DOP1A: variants seen among roughly 807,000 people sequenced by gnomAD.
The protein encoded by DOP1A is DOP1 leucine zipper like protein A.
A neutral mutation model predicts 267.6 loss-of-function variants in DOP1A; 90 were observed. The observed-to-expected ratio is 0.34, with a 90% CI of 0.28 to 0.40. DOP1A has a LOEUF of 0.40. Among genes scored for constraint, DOP1A ranks in the 10% least tolerant of loss-of-function variants. DOP1A has a pLI of 1.00. For missense variants in DOP1A, 2,437 were observed against 2,900.4 expected, an observed-to-expected ratio of 0.84 and a Z score of 3.67; for synonymous variants, 932 against 999.1, an observed-to-expected ratio of 0.93 and a Z score of 1.27.
chr6:83,120,037 C>G (rs1014001670), intron 9 of DOP1A, among the ~76,000 whole-genome samples, 180 bp downstream of exon 9: 17 of 151,888 alleles, frequency 1.1e-4, no homozygotes, highest in Admixed American at 5.9e-4. Context: ...ATATGTTAGA[C>G]TACCATGTAA....
intron 4 of DOP1A, among the ~76,000 whole-genome samples, chr6:83,105,628 G>T (rs538080165): frequency 1.3e-5 from 2 of 152,256 alleles, no homozygotes; most frequent in South Asian, 4.1e-4. Context: ...CTCCCAAAGT[G>T]CTGAGGTTAC....
intron 38 of DOP1A, chr6:83,164,977 C>A: frequency 2.7e-6 from 1 of 376,608 alleles, no homozygotes; most frequent in Admixed American, 4.3e-5. Context: ...TGGTCAAGAG[C>A]TTAATAAAAG....
At chr6:83,148,675 C>A in intron 26 of DOP1A, 84 bp from the exon 27 acceptor site, 3 of 874,770 alleles carry the variant, frequency 3.4e-6, no homozygotes, top group Non-Finnish European at 3.4e-6. Context: ...CTATCATTGT[C>A]TATAAAAATT....
At chr6:83,104,719 T>TAC (rs1773266596) in intron 4 of DOP1A, among the ~76,000 whole-genome samples, 1 of 152,118 alleles carries the variant, frequency 6.6e-6, no homozygotes, top group Admixed American at 6.5e-5. Flanking sequence ...TTGCCTACTT[T>TAC]TACTAAATTT....
chr6:83,127,047 C>T (rs1027864646), intron 15 of DOP1A, among the ~76,000 whole-genome samples: 12 of 151,970 alleles, frequency 7.9e-5, no homozygotes, highest in Admixed American at 5.9e-4. Context: ...GTTGGCAGGT[C>T]CAGGTGGGAC....
chr6:83,129,270 G>A lies in DOP1A; in HGVS notation c.2103G>A (p.Gln701=), dbSNP rs1221397461. 1.9e-6 allele frequency: 3 copies of A among 1,611,752 alleles called. No homozygotes were observed. Among genetic ancestry groups the A allele is most frequent in the Admixed American group, 3.3e-5 (2 of 59,720 alleles). Residue 701 remains glutamine (Q), a synonymous_variant, in exon 16 of 39, where the codon CAG becomes CAA. Coordinates refer to ENST00000349129, the MANE Select transcript of DOP1A (RefSeq NM_015018.4). ...TCATTCAGAATAACTCTTTTTCTCA[G>A]TCTTTGGCTACAGAACATCAAGGGG... ...LYIIQNNSFS[Q]SLATEHQGDL... is the part of the protein sequence containing the mutation.
downstream of DOP1A, chr6:83,170,264 C>T: frequency 6.3e-7 from 1 of 1,588,074 alleles, no homozygotes; most frequent in Non-Finnish European, 8.6e-7. Context: ...TGCCCATCAC[C>T]TAATATTAGG....
At chr6:83,088,131 C>T (rs1361745922) in intron 1 of DOP1A, among the ~76,000 whole-genome samples, 2 of 152,104 alleles carry the variant, frequency 1.3e-5, no homozygotes, top group African/African-American at 4.8e-5. Flanking sequence ...CTCGGTCTCC[C>T]AAAGTGTTGG....
intron 1 of DOP1A, among the ~76,000 whole-genome samples, chr6:83,093,940 T>C (rs1356568909): frequency 1.3e-5 from 2 of 152,064 alleles, no homozygotes; most frequent in Non-Finnish European, 2.9e-5. Context: ...AAAATATATA[T>C]ATAAAATATG....
At chr6:83,084,607 G>C (rs1435107209) in intron 1 of DOP1A, among the ~76,000 whole-genome samples, 1 of 152,044 alleles carries the variant, frequency 6.6e-6, no homozygotes, top group African/African-American at 2.4e-5. Context: ...TTTTGAGACA[G>C]AGTCTTGCTT....
At position 83,135,989 on chromosome 6, in the gene DOP1A, C is replaced by T. The variant is rs903086336; in HGVS notation, c.3130+111C>T. ...CTGCATGTGAGATTTTCTCCATGGG[C>T]TTATTTTCTCCCCTCCTCATGCACT... On this transcript the variant is annotated intron_variant, in intron 20 of 38. Coordinates refer to ENST00000349129, the MANE Select transcript of DOP1A (RefSeq NM_015018.4). The T allele has an allele frequency of 2.5e-5, 32 of 1,275,204 alleles. 2 individuals carry two copies. In the South Asian group the frequency reaches 4.8e-4, roughly 19 times the overall value. 79.0% of individuals were successfully genotyped at this position (1,275,204 alleles called of 1,614,324 possible).
chr6:83,111,241 CG>C (rs1281436333), intron 6 of DOP1A, among the ~76,000 whole-genome samples: 1 of 152,040 alleles, frequency 6.6e-6, no homozygotes, highest in Admixed American at 6.6e-5. Flanking sequence ...TGAGCCACTG[CG>C]CCTGGCTTGT....
chr6:83,127,560 T>C (rs1326704384), intron 15 of DOP1A, among the ~76,000 whole-genome samples: 1 of 152,208 alleles, frequency 6.6e-6, no homozygotes, highest in East Asian at 1.9e-4. Flanking sequence ...GCAAATGGCA[T>C]AATTACGTTT....
At chr6:83,126,894 G>A (rs1777250911) in intron 15 of DOP1A, among the ~76,000 whole-genome samples, 1 of 152,102 alleles carries the variant, frequency 6.6e-6, no homozygotes, top group Non-Finnish European at 1.5e-5. Flanking sequence ...GAAAACTTAG[G>A]GATCAGAGTT....
At chr6:83,109,304 C>G (rs1434128230) in intron 5 of DOP1A, among the ~76,000 whole-genome samples, 1 of 152,118 alleles carries the variant, frequency 6.6e-6, no homozygotes, top group Non-Finnish European at 1.5e-5. Context: ...GGTGGATGTA[C>G]TGAGTTGAAA....
chr6:83,087,881 G>T (rs1001704748), intron 1 of DOP1A, among the ~76,000 whole-genome samples: 21 of 151,722 alleles, frequency 1.4e-4, no homozygotes, highest in East Asian at 3.9e-4. Context: ...GTTTGTTTTG[G>T]TTTTTTTTGA....
At chr6:83,162,717 T>C in intron 37 of DOP1A, 73 bp from the exon 38 acceptor site, 1 of 1,489,222 alleles carries the variant, frequency 6.7e-7, no homozygotes, top group Non-Finnish European at 9.0e-7. Context: ...ATCTTTCTAC[T>C]ACATTATGTG....
chr6:83,106,983 G>C (rs1002277720), intron 4 of DOP1A, among the ~76,000 whole-genome samples: 11 of 152,142 alleles, frequency 7.2e-5, no homozygotes, highest in Admixed American at 2.0e-4. Flanking sequence ...GTGGACATTG[G>C]TGACCAAAAT....
At chr6:83,110,741 G>GAT (rs1187087639) in intron 6 of DOP1A, among the ~76,000 whole-genome samples, 1 of 151,976 alleles carries the variant, frequency 6.6e-6, no homozygotes, top group Non-Finnish European at 1.5e-5. Context: ...TATGAGCAAG[G>GAT]AATAAAAAAC....
Sources: allele counts gnomAD v4.1 joint callset (sites outside exome capture counted in the v4.1 genomes callset), GRCh38; gene constraint gnomAD v4.1.1; transcripts MANE v1.5; gene names NCBI Gene and HGNC (gene_info 2026-07-23, HGNC 2026-07-21).